Variants in LIMA1 observed in about 807,000 individuals in gnomAD.
The protein encoded by LIMA1 is LIM domain and actin-binding protein 1.
Under a neutral mutation model 62.6 loss-of-function variants are expected in LIMA1, and 52 were observed. That is an observed-to-expected ratio of 0.83 (90% CI 0.67 to 1.05). The LOEUF is 1.05. Ranked by LOEUF, LIMA1 falls within the 50% of genes least tolerant of loss-of-function variation. The pLI is 0.00. For missense variants in LIMA1, 780 were observed against 902.2 expected (o/e 0.86, Z 1.74); for synonymous variants, 302 against 317.8 (o/e 0.95, Z 0.53).
intron 4 of LIMA1, among the ~76,000 whole-genome samples, chr12:50,221,228 C>T (rs1349211039): frequency 3.3e-5 from 5 of 152,020 alleles, no homozygotes; most frequent in Non-Finnish European, 7.4e-5. Context: ...TTCATTATAA[C>T]GACTGTTGTA....
chr12:50,281,706 G>A (rs1942341994), intron 1 of LIMA1, among the ~76,000 whole-genome samples: 1 of 152,172 alleles, frequency 6.6e-6, no homozygotes, highest in Admixed American at 6.5e-5. Context: ...CATAGAATTG[G>A]AGGAAGAGAG....
At chr12:50,269,641 C>T (rs956513536) in intron 1 of LIMA1, among the ~76,000 whole-genome samples, 4 of 151,918 alleles carry the variant, frequency 2.6e-5, no homozygotes, top group Admixed American at 2.0e-4. Context: ...ATTTTAGGAG[C>T]GGGCGCAGTG....
intron 3 of LIMA1, chr12:50,224,565 G>A (rs1312329854): frequency 6.6e-6 from 1 of 152,282 alleles, no homozygotes; most frequent in East Asian, 1.9e-4. Flanking sequence ...TGCCCTTACT[G>A]TAACCACACA....
chr12:50,263,862 T>G (rs1239141424), intron 1 of LIMA1, among the ~76,000 whole-genome samples: 1 of 127,976 alleles, frequency 7.8e-6, no homozygotes, highest in African/African-American at 3.1e-5. Context: ...AGAGAGTATA[T>G]ATATATATAT....
At chr12:50,275,325 G>A (rs774856367) in intron 1 of LIMA1, among the ~76,000 whole-genome samples, 3 of 152,160 alleles carry the variant, frequency 2.0e-5, no homozygotes, top group Admixed American at 6.5e-5. Context: ...CTGAGATTGC[G>A]CCATTGCACT....
At chr12:50,215,118 T>C (rs1941320638) in intron 4 of LIMA1, among the ~76,000 whole-genome samples, 1 of 152,190 alleles carries the variant, frequency 6.6e-6, no homozygotes, top group Non-Finnish European at 1.5e-5. Context: ...ACACTTTAGC[T>C]TGGTTGCCTT....
intron 1 of LIMA1, among the ~76,000 whole-genome samples, chr12:50,269,954 G>C (rs1161424146): frequency 2.7e-5 from 4 of 147,304 alleles, no homozygotes; most frequent in East Asian, 4.0e-4. Flanking sequence ...ATTTAAAAAG[G>C]CTAGGCACGG....
chr12:50,240,617 T>C (rs1400493935), intron 2 of LIMA1, among the ~76,000 whole-genome samples: 1 of 152,166 alleles, frequency 6.6e-6, no homozygotes, highest in Non-Finnish European at 1.5e-5. Flanking sequence ...GGACGAGGAA[T>C]TGTGAAAGAA....
At chr12:50,240,504 G>T (rs572476777) in intron 2 of LIMA1, among the ~76,000 whole-genome samples, 44 of 152,248 alleles carry the variant, frequency 2.9e-4, no homozygotes, top group African/African-American at 1.0e-3. Flanking sequence ...GAATAGATTT[G>T]AGATATATTT....
chr12:50,182,360 G>C (rs111451100), intron 9 of LIMA1, among the ~76,000 whole-genome samples: 12,023 of 149,588 alleles, frequency 0.08, 678 homozygotes, highest in Middle Eastern at 0.16. Context: ...GAAGGGGTCG[G>C]GGGGGGGAGT....
At chr12:50,197,195 C>T (rs984768769) in intron 7 of LIMA1, among the ~76,000 whole-genome samples, 3 of 151,632 alleles carry the variant, frequency 2.0e-5, no homozygotes, top group African/African-American at 4.8e-5. Flanking sequence ...CTCAGCCTCC[C>T]GAGTAGCTGG....
chr12:50,219,426 A>G (rs1941404821), intron 4 of LIMA1, among the ~76,000 whole-genome samples: 1 of 152,170 alleles, frequency 6.6e-6, no homozygotes, highest in Admixed American at 6.5e-5. Flanking sequence ...TGGAGGTTGC[A>G]GTGAGCCGAG....
At chr12:50,200,666 ACCAAATTC>A in intron 7 of LIMA1, 103 bp downstream of exon 7, 2 of 1,222,588 alleles carry the variant, frequency 1.6e-6, no homozygotes, top group Non-Finnish European at 2.4e-6. Flanking sequence ...GGCAGCTGTT[ACCAAATTC>A]CCAGACACTC....
At chr12:50,269,317 A>G (rs1387831240) in intron 1 of LIMA1, among the ~76,000 whole-genome samples, 1 of 152,212 alleles carries the variant, frequency 6.6e-6, no homozygotes, top group Non-Finnish European at 1.5e-5. Context: ...TTATTGAATA[A>G]TATTCAGATG....
chr12:50,247,604 A>AATTATTATTATTATT (rs111550387), intron 2 of LIMA1, among the ~76,000 whole-genome samples: 23,114 of 140,420 alleles, frequency 0.16, 2,134 homozygotes, highest in African/African-American at 0.19. Context: ...TAAATGCTGG[A>AATTATTATTATTATT]ATTATTATTA....
chr12:50,193,978 C>CATAT (rs200634034), intron 8 of LIMA1, among the ~76,000 whole-genome samples: 6 of 106,946 alleles, frequency 5.6e-5, no homozygotes, highest in Non-Finnish European at 8.8e-5. Flanking sequence ...CATATATATA[C>CATAT]ATATATATAT....
At chr12:50,213,777 T>G (rs1377127449) in intron 4 of LIMA1, among the ~76,000 whole-genome samples, 1 of 152,232 alleles carries the variant, frequency 6.6e-6, no homozygotes, top group Non-Finnish European at 1.5e-5. Flanking sequence ...TCTAGCCCCC[T>G]TGAAGTCTAA....
intron 2 of LIMA1, among the ~76,000 whole-genome samples, chr12:50,232,366 C>A (rs572474928): frequency 1.0e-4 from 15 of 146,886 alleles, no homozygotes; most frequent in African/African-American, 3.5e-4. Flanking sequence ...CGGCTACTTT[C>A]TTTTTTCTTT....
intron 3 of LIMA1, among the ~76,000 whole-genome samples, chr12:50,230,909 A>G (rs552061621): frequency 3.3e-5 from 5 of 152,292 alleles, no homozygotes; most frequent in African/African-American, 7.2e-5. Context: ...GAGGAGACCC[A>G]TTTTTTAATT....
Sources: allele counts gnomAD v4.1 joint callset (sites outside exome capture counted in the v4.1 genomes callset), GRCh38; gene constraint gnomAD v4.1.1; transcripts MANE v1.5; gene names NCBI Gene and HGNC (gene_info 2026-07-23, HGNC 2026-07-21).